The following MAGI2 variants were observed in gnomAD, a reference collection of about 807,000 sequenced individuals.
The protein encoded by MAGI2 is membrane-associated guanylate kinase, WW and PDZ domain-containing protein 2.
MAGI2 carries 35 observed loss-of-function variants against 133.3 expected under a neutral mutation model. The ratio of observed to expected loss-of-function variants is 0.26; its 90% CI spans 0.20 to 0.35. The LOEUF (loss-of-function observed/expected upper bound fraction) is 0.35, where lower values mean the gene tolerates loss of function less well. MAGI2 is among the 10% of genes least tolerant of loss of function. MAGI2 has a pLI of 1.00. For synonymous variants in MAGI2, 729 were observed against 710.6 expected (o/e 1.03, Z -0.41); for missense variants, 1,636 against 1,863.4 (o/e 0.88, Z 2.25).
At chr7:78,327,259 A>G (rs1490615597) in intron 9 of MAGI2, among the ~76,000 whole-genome samples, 2 of 152,148 alleles carry the variant, frequency 1.3e-5, no homozygotes, top group East Asian at 3.9e-4. Context: ...CTCACATAGC[A>G]ACCTCATGCC....
At chr7:78,580,837 C>A (rs908764561) in intron 3 of MAGI2, among the ~76,000 whole-genome samples, 2 of 152,104 alleles carry the variant, frequency 1.3e-5, no homozygotes, top group African/African-American at 2.4e-5. Flanking sequence ...TAAACAAAAA[C>A]ATAAAGTTCT....
At chr7:78,906,787 T>G (rs1290006849) in intron 2 of MAGI2, among the ~76,000 whole-genome samples, 2 of 152,180 alleles carry the variant, frequency 1.3e-5, no homozygotes, top group Non-Finnish European at 2.9e-5. Flanking sequence ...AAATGGGAGC[T>G]TCATACACAC....
At chr7:78,499,244 T>A (rs1470561298) in intron 5 of MAGI2, among the ~76,000 whole-genome samples, 3 of 152,240 alleles carry the variant, frequency 2.0e-5, no homozygotes, top group Admixed American at 2.0e-4. Flanking sequence ...ACAGCTCCCA[T>A]ACCTGGAATG....
chr7:78,700,938 A>G (rs1818002446), intron 2 of MAGI2, among the ~76,000 whole-genome samples: 1 of 144,764 alleles, frequency 6.9e-6, no homozygotes, highest in Admixed American at 7.1e-5. Context: ...TTAGTATAGT[A>G]AGTGTGTTAC....
chr7:79,191,910 G>T (rs965347561), intron 1 of MAGI2, among the ~76,000 whole-genome samples: 1 of 151,588 alleles, frequency 6.6e-6, no homozygotes, highest in African/African-American at 2.4e-5. Flanking sequence ...CTTCTTTCTG[G>T]CTTGAATGGA....
rs529737080 is a variant in MAGI2, at chr7:78,883,137, A to G, written c.418+123953T>C. On this transcript the variant is annotated intron_variant, in intron 2 of 21. Coordinates refer to ENST00000354212, the MANE Select transcript of MAGI2 (RefSeq NM_012301.4). ...TATCGAAAGAAGTCTAGAGTTGATA[A>G]ATGACTTTAGTAAACTCCTAGGGAA... 1.5e-4 allele frequency among the ~76,000 whole-genome samples: 23 copies of G among 152,274 alleles called. 2 individuals carry two copies. The South Asian group carries it at 4.6e-3, about 30-fold the overall frequency.
intron 2 of MAGI2, among the ~76,000 whole-genome samples, chr7:78,790,616 T>C (rs1285386390): frequency 6.6e-6 from 1 of 152,116 alleles, no homozygotes; most frequent in Admixed American, 6.6e-5. Flanking sequence ...GTATTTTTAG[T>C]AGACACAGGG....
chr7:78,143,878 G>A (rs1393236414), intron 16 of MAGI2, among the ~76,000 whole-genome samples: 1 of 149,384 alleles, frequency 6.7e-6, no homozygotes, highest in Admixed American at 6.7e-5. Flanking sequence ...CTTATTCAGT[G>A]TTGCTTAATC....
rs10247597 is a variant in MAGI2, at chr7:78,901,713, G to C, written c.418+105377C>G. Among the ~76,000 whole-genome samples, 516 of 152,074 alleles carry C rather than the reference G, an allele frequency of 3.4e-3. 1 individual carries two copies. The highest frequency in any genetic ancestry group is 0.012 in the African/African-American group (498 of 41,496). ...TAAAAGGGCTTCTATTCACCGTACA[G>C]GAAATTAAGTGATCGGTTCTTGTCA... On this transcript the variant is annotated intron_variant, in intron 2 of 21. Transcript: ENST00000354212.
intron 21 of MAGI2, among the ~76,000 whole-genome samples, chr7:78,021,090 G>A (rs1217067724): frequency 6.6e-6 from 1 of 152,112 alleles, no homozygotes; most frequent in Non-Finnish European, 1.5e-5. Context: ...CCAAGTAGAA[G>A]GACAGATGTA....
At chr7:79,308,927 T>G (rs1289320546) in intron 1 of MAGI2, among the ~76,000 whole-genome samples, 1 of 152,128 alleles carries the variant, frequency 6.6e-6, no homozygotes, top group East Asian at 1.9e-4. Context: ...AACCTCAAAA[T>G]TAATTCAAAG....
chr7:78,996,092 G>C (rs1041487817), intron 2 of MAGI2, among the ~76,000 whole-genome samples: 3 of 152,126 alleles, frequency 2.0e-5, no homozygotes, highest in African/African-American at 7.2e-5. Context: ...TCATACTTAG[G>C]AATGGCCCTG....
intron 3 of MAGI2, among the ~76,000 whole-genome samples, chr7:78,607,206 A>G (rs797015004): frequency 2.3e-4 from 35 of 152,298 alleles, no homozygotes; most frequent in African/African-American, 8.4e-4. Flanking sequence ...CATCTTCTGC[A>G]GAGGTGAGAG....
chr7:78,670,509 T>C (rs973720402), intron 2 of MAGI2, among the ~76,000 whole-genome samples: 2 of 152,304 alleles, frequency 1.3e-5, no homozygotes, highest in African/African-American at 4.8e-5. Context: ...AGGTAATTTA[T>C]AGATTCAATG....
At chr7:78,403,843 G>T (rs1216014335) in intron 6 of MAGI2, among the ~76,000 whole-genome samples, 1 of 152,054 alleles carries the variant, frequency 6.6e-6, no homozygotes, top group Admixed American at 6.6e-5. Context: ...AGAAATGAAG[G>T]GTATTTAATT....
At chr7:78,806,849 C>T (rs760786848) in intron 2 of MAGI2, among the ~76,000 whole-genome samples, 1 of 148,244 alleles carries the variant, frequency 6.7e-6, no homozygotes, top group Admixed American at 6.8e-5. Context: ...GCCTGGGCCA[C>T]GGAGCAACAC....
intron 2 of MAGI2, among the ~76,000 whole-genome samples, chr7:78,836,134 A>G (rs979532551): frequency 1.3e-5 from 2 of 152,216 alleles, no homozygotes; most frequent in Non-Finnish European, 2.9e-5. Context: ...ACTAACTCCT[A>G]TAACGTCACA....
At chr7:79,205,121 G>A (rs1828932539) in intron 1 of MAGI2, among the ~76,000 whole-genome samples, 2 of 151,480 alleles carry the variant, frequency 1.3e-5, no homozygotes, top group Non-Finnish European at 2.9e-5. Context: ...CCGTGCATTA[G>A]GAAGGTCAAA....
intron 1 of MAGI2, chr7:79,011,957 T>C (rs986611194): frequency 6.7e-6 from 1 of 149,496 alleles, no homozygotes; most frequent in East Asian, 2.0e-4. Context: ...TTCTCTGTTC[T>C]TTCTTCCTTT....
Sources: gnomAD v4.1 joint callset for allele counts (sites outside exome capture counted in the v4.1 genomes callset) on GRCh38, gnomAD v4.1.1 for gene constraint, MANE v1.5 for transcripts, NCBI Gene and HGNC (gene_info 2026-07-23, HGNC 2026-07-21) for gene names.